Variants in CCDC33 observed in about 807,000 individuals in gnomAD.
CCDC33 encodes coiled-coil domain containing 33.
In CCDC33, 94 loss-of-function variants were observed where a neutral mutation model predicts 91.9. That is an observed-to-expected ratio of 1.02 (90% CI 0.87 to 1.21). The LOEUF (loss-of-function observed/expected upper bound fraction) is 1.21. Ranked by LOEUF, CCDC33 falls within the 50% of genes most tolerant of loss-of-function variation. CCDC33 has a pLI of 0.00. For missense variants in CCDC33, 940 were observed against 935.5 expected (o/e 1.00, Z -0.06); for synonymous variants, 396 against 374.5 (o/e 1.06, Z -0.66).
At chr15:74,250,061 G>C (rs893469753) in intron 2 of CCDC33, among the ~76,000 whole-genome samples, 2 of 152,090 alleles carry the variant, frequency 1.3e-5, no homozygotes, top group African/African-American at 4.8e-5. Context: ...CCTGGTGTCA[G>C]GAATCACATT....
intron 11 of CCDC33, among the ~76,000 whole-genome samples, chr15:74,304,697 C>G (rs1331890902): frequency 6.6e-6 from 1 of 152,150 alleles, no homozygotes; most frequent in Non-Finnish European, 1.5e-5. Flanking sequence ...GCCCCCAGCC[C>G]TGGAGCTGGC....
In CCDC33 at chr15:74,334,027, G is replaced by C. The variant is rs796412983; in HGVS notation, c.2025+60G>C. 48 of 1,429,242 alleles carry C rather than the reference G, an allele frequency of 3.4e-5. No homozygotes were observed. In the African/African-American group the frequency reaches 5.2e-4, roughly 15 times the overall value. 88.5% of individuals were successfully genotyped at this position (1,429,242 alleles called of 1,614,324 possible). On this transcript the variant is annotated intron_variant, in intron 17 of 18. Transcript: ENST00000398814. Reference sequence around the variant, plus strand: ...AGGCTCACCACACAGCCTATAACCAGGGCTCAGTGTGTGAGCAGAGTCTAG... The same window carrying C: ...AGGCTCACCACACAGCCTATAACCACGGCTCAGTGTGTGAGCAGAGTCTAG...
intron 16 of CCDC33, 151 bp downstream of exon 16, chr15:74,332,996 C>G (rs566384902): frequency 2.1e-6 from 2 of 930,594 alleles, no homozygotes; most frequent in Non-Finnish European, 3.2e-6. Flanking sequence ...GCTCTCAGGC[C>G]TTGGTCTTTT....
At chr15:74,276,106 G>A (rs1267369110) in intron 7 of CCDC33, among the ~76,000 whole-genome samples, 1 of 152,222 alleles carries the variant, frequency 6.6e-6, no homozygotes, top group Non-Finnish European at 1.5e-5. Flanking sequence ...CACTAAGGAG[G>A]GGTGTGGCTC....
intron 11 of CCDC33, among the ~76,000 whole-genome samples, chr15:74,297,274 C>G (rs1053040075): frequency 1.3e-5 from 2 of 152,318 alleles, no homozygotes; most frequent in African/African-American, 4.8e-5. Context: ...CAGTCATAAA[C>G]TGCATTGAAA....
intron 2 of CCDC33, among the ~76,000 whole-genome samples, chr15:74,223,764 A>G (rs1337030980): frequency 1.4e-4 from 13 of 92,790 alleles, no homozygotes; most frequent in African/African-American, 5.1e-4. Flanking sequence ...ACACACACAC[A>G]CGCAAGCATG....
rs1256952485 is a variant in CCDC33 at position 74,209,255 on chromosome 15, T to A, written n.90-133T>A. On this transcript the variant is annotated intron_variant and non_coding_transcript_variant, in intron 1 of 3. Coordinates refer to the CCDC33 transcript ENST00000558645. ...CAAACCGTTTGCTCGAAACTTGATC[T>A]CCTTGGCCCTCAGAGTCACCTCAGT... 3 of 1,165,916 alleles carry A rather than the reference T, an allele frequency of 2.6e-6. No individual in the cohort carries two copies. The African/African-American group carries it at 4.6e-5, about 18-fold the overall frequency. 72.2% of individuals were successfully genotyped at this position (1,165,916 alleles called of 1,614,324 possible).
intron 11 of CCDC33, among the ~76,000 whole-genome samples, chr15:74,315,242 G>C (rs2060068588): frequency 6.6e-6 from 1 of 152,200 alleles, no homozygotes; most frequent in African/African-American, 2.4e-5. Flanking sequence ...AGCTAAGCAT[G>C]GCTATCAACA....
intron 18 of CCDC33, 106 bp downstream of exon 18, chr15:74,335,194 C>A: frequency 1.1e-6 from 1 of 897,762 alleles, no homozygotes; most frequent in Non-Finnish European, 1.9e-6. Flanking sequence ...GTGGAGCCAA[C>A]TCCAGGGCTG....
At chr15:74,231,742 G>A (rs1165722078), upstream of CCDC33, among the ~76,000 whole-genome samples, 3 of 152,200 alleles carry the variant, frequency 2.0e-5, no homozygotes, top group African/African-American at 7.2e-5. Context: ...CTGGCCAGGT[G>A]CGGTGGTTCA....
intron 2 of CCDC33, among the ~76,000 whole-genome samples, chr15:74,252,960 C>T (rs112058851): frequency 2.0e-5 from 3 of 152,140 alleles, no homozygotes; most frequent in African/African-American, 7.2e-5. Context: ...GAACCATCCC[C>T]AGCCAGACCG....
chr15:74,277,905 A>G (rs1029356656), intron 7 of CCDC33, among the ~76,000 whole-genome samples: 13 of 152,212 alleles, frequency 8.5e-5, no homozygotes, highest in Non-Finnish European at 1.3e-4. Flanking sequence ...GGAGCAAGGT[A>G]TGGACGGCAG....
intron 9 of CCDC33, 24 bp downstream of exon 9, chr15:74,280,825 G>A (rs1490640553): frequency 1.7e-5 from 25 of 1,446,554 alleles, no homozygotes; most frequent in Non-Finnish European, 2.2e-5. Flanking sequence ...CCTGAACTGG[G>A]CCCCTAGCGT....
intron 11 of CCDC33, among the ~76,000 whole-genome samples, chr15:74,315,827 G>T (rs190155562): frequency 4.6e-5 from 7 of 152,272 alleles, no homozygotes; most frequent in African/African-American, 1.7e-4. Context: ...GGTCCAAGGG[G>T]AGCTGCACTA....
intron 2 of CCDC33, among the ~76,000 whole-genome samples, chr15:74,260,803 A>C (rs1416643118): frequency 6.6e-6 from 1 of 152,218 alleles, no homozygotes; most frequent in Non-Finnish European, 1.5e-5. Flanking sequence ...GGGGCTGGTC[A>C]CAGGAGGGTC....
At chr15:74,317,805 C>T (rs1375006900) in intron 11 of CCDC33, among the ~76,000 whole-genome samples, 2 of 151,892 alleles carry the variant, frequency 1.3e-5, no homozygotes, top group African/African-American at 4.8e-5. Context: ...TCTCCGCAAC[C>T]CAGGCTGAAG....
At chr15:74,224,205 C>T (rs1329303281) in intron 2 of CCDC33, among the ~76,000 whole-genome samples, 2 of 152,082 alleles carry the variant, frequency 1.3e-5, no homozygotes, top group African/African-American at 4.8e-5. Flanking sequence ...CACTTCCAGC[C>T]CCCACTTCAC....
At chr15:74,206,854 C>T (rs1051744326) in intron 1 of CCDC33, among the ~76,000 whole-genome samples, 1 of 152,228 alleles carries the variant, frequency 6.6e-6, no homozygotes, top group Non-Finnish European at 1.5e-5. Flanking sequence ...CATGAACCCA[C>T]GTGGGCACTC....
intron 2 of CCDC33, among the ~76,000 whole-genome samples, chr15:74,227,876 A>G (rs1454601880): frequency 1.3e-5 from 2 of 151,910 alleles, no homozygotes; most frequent in Non-Finnish European, 2.9e-5. Flanking sequence ...CAATTAAATA[A>G]CATTCTAGCC....
Sources: gnomAD v4.1 joint callset for allele counts (sites outside exome capture counted in the v4.1 genomes callset) on GRCh38, gnomAD v4.1.1 for gene constraint, MANE v1.5 for transcripts, NCBI Gene and HGNC (gene_info 2026-07-23, HGNC 2026-07-21) for gene names.